ADGRL1: variants seen among roughly 807,000 people sequenced by gnomAD.
ADGRL1 encodes CIRL-1.
A neutral mutation model predicts 148.9 loss-of-function variants in ADGRL1; 31 were observed. That is an observed-to-expected ratio of 0.21 (90% confidence interval 0.16 to 0.28). ADGRL1 has a LOEUF of 0.28. Ranked by LOEUF, ADGRL1 falls within the 10% of genes least tolerant of loss-of-function variation. The probability of loss-of-function intolerance (pLI) is 1.00; values close to 1 mark genes in which losing one functional copy is unlikely to be tolerated. For synonymous variants in ADGRL1, 937 were observed against 900.3 expected, an observed-to-expected ratio of 1.04 and a Z score of -0.73; for missense variants, 1,521 against 2,058.8, an observed-to-expected ratio of 0.74 and a Z score of 5.05.
rs1400639239 is a variant in ADGRL1, at chr19:14,149,680, A to AAGAGG, written c.*1192_*1193insCCTCT. The AAGAGG allele has an allele frequency of 1.3e-4, 5 of 39,154 alleles. No individual in the cohort carries two copies. The highest frequency in any genetic ancestry group is 6.4e-4 in the African/African-American group (5 of 7,868). 2.4% of individuals were successfully genotyped at this position (39,154 alleles called of 1,614,324 possible). On this transcript the variant is annotated 3_prime_UTR_variant, in exon 23 of 23. Coordinates refer to ENST00000361434, the MANE Select transcript of ADGRL1 (RefSeq NM_014921.5). ...TGATGCCGGGCAGGCGGAGCAGGAA[A>AAGAGG]GGAGGGTGCCAGGAAGGAAATGGGT...
chr19:14,204,713 T>A (rs139238782), intron 1 of ADGRL1, among the ~76,000 whole-genome samples: 28 of 142,976 alleles, frequency 2.0e-4, no homozygotes, highest in African/African-American at 5.2e-4. Flanking sequence ...ACAGAGAGAG[T>A]GAGAGAGAGA....
chr19:14,184,631 TTTA>T (rs1197162208), intron 1 of ADGRL1, among the ~76,000 whole-genome samples: 1 of 128,336 alleles, frequency 7.8e-6, no homozygotes, highest in African/African-American at 3.6e-5. Flanking sequence ...TATTTATTTA[TTTA>T]TTTATTTATT....
Position 14,159,159 on chromosome 19 carries a change from G to C in ADGRL1, c.2080C>G (p.Gln694Glu), listed in dbSNP as rs1378923217. The change falls in exon 11 of 23, where the codon CAG becomes GAG. Residue 694 changes from glutamine to glutamate, a missense_variant. By Grantham distance (29) the Gln-to-Glu change is conservative (BLOSUM62 2). Around this residue, in one of 8 missense-constraint regions of ADGRL1, gnomAD observed 265 missense variants for 431.9 expected, o/e 0.61. Coordinates refer to ENST00000361434, the MANE Select transcript of ADGRL1 (RefSeq NM_014921.5). This position sits in a 1 kb window ranked among gnomAD's most constrained non-coding sequence, Gnocchi z 6.0. ...EGQVQELVFP[Q>E]EEYPRKNSIQ... ...GAGTTCTTTCTCGGGTACTCCTCCT[G>C]GGGGAACACCAGCTCCTGCACCTGG... 6.2e-7 allele frequency: 1 copy of C among 1,614,108 alleles called. No homozygotes were observed. Among genetic ancestry groups the C allele is most frequent in the Admixed American group, 1.7e-5 (1 of 60,028 alleles).
intron 3 of ADGRL1, among the ~76,000 whole-genome samples, chr19:14,174,438 CCAGCT>C (rs1236759178): frequency 3.3e-5 from 5 of 152,046 alleles, no homozygotes; most frequent in Non-Finnish European, 5.9e-5. Context: ...CCAGCCCAGC[CCAGCT>C]ATCTCAGCCA....
chr19:14,187,736 A>G lies in ADGRL1; in HGVS notation c.-95-4039T>C, dbSNP rs10408870. The stretch of plus-strand genomic sequence containing the variant: ...CTAGACATGGCCGGTGTCACTTTCA[A>G]ATCATTTTCCAGCATGTTACCTTGG... On this transcript the variant is annotated intron_variant, in intron 1 of 22. Coordinates refer to ENST00000361434, the MANE Select transcript of ADGRL1 (RefSeq NM_014921.5). Among the ~76,000 whole-genome samples, 462 of 152,046 alleles carry G rather than the reference A, an allele frequency of 3.0e-3. 4 individuals are homozygous for G. Among genetic ancestry groups the G allele is most frequent in the African/African-American group, 0.01 (422 of 41,488 alleles).
rs375578685 is a variant in ADGRL1, at chr19:14,157,428, C to T, written c.2568G>A (p.Ser856=). The change falls in exon 14 of 23, where the codon TCG becomes TCA. Residue 856 remains serine, a synonymous_variant. Coordinates refer to ENST00000361434, the MANE Select transcript of ADGRL1 (RefSeq NM_014921.5). The surrounding 1 kb of genome is among the most constrained non-coding windows in gnomAD (Gnocchi z 7.5). ...YQGRINELLL[S]VITWVGIVIS... ...TCACAATGCCCACCCAGGTGATGAC[C>T]GACAGCAGCAGCTCGTTGATGCGGC... The T allele has an allele frequency of 1.9e-5, 31 of 1,613,964 alleles. No homozygotes were observed. Among genetic ancestry groups the T allele is most frequent in the African/African-American group, 8.0e-5 (6 of 74,916 alleles).
At chr19:14,187,547 G>A (rs1029495540) in intron 1 of ADGRL1, among the ~76,000 whole-genome samples, 9 of 148,054 alleles carry the variant, frequency 6.1e-5, no homozygotes, top group Non-Finnish European at 1.0e-4. Flanking sequence ...CCTCTCCACT[G>A]CCCCAGCTTC....
rs1206947742 is a variant in ADGRL1 at position 14,161,774 on chromosome 19, C to T, written c.1196-148G>A. On this transcript the variant is annotated intron_variant, in intron 5 of 22. Transcript: ENST00000361434. This position sits in a 1 kb window ranked among gnomAD's most constrained non-coding sequence, Gnocchi z 4.4. ...GGCCCCACTGGGTCTATGAGTTGAT[C>T]TCCCCTGGCCGCTCTGTGCCCACCA... 6.0e-5 allele frequency: 30 copies of T among 503,222 alleles called. No homozygotes were observed. The Admixed American group carries it at 1.1e-3, about 19-fold the overall frequency. 31.2% of individuals were successfully genotyped at this position (503,222 alleles called of 1,614,324 possible). A position where few individuals can be genotyped will look rare whatever the true frequency, so the allele number is the denominator to read the frequency against.
In ADGRL1 at chr19:14,162,707, G is replaced by A. The variant is rs1321161821; in HGVS notation, c.1094C>T (p.Ser365Phe). 2 of 1,614,188 alleles carry A rather than the reference G, an allele frequency of 1.2e-6. No individual in the cohort carries two copies. The highest frequency in any genetic ancestry group is 1.1e-5 in the South Asian group (1 of 91,090). The stretch of plus-strand genomic sequence containing the variant: ...GTCGCGAGGGTTGTAGTCAACGGAG[G>A]AGATGAACTGGTAGGGGTTGGGGAA... ...LTFPNPYQFI[S>F]SVDYNPRDNQ... The change falls in exon 5 of 23, where the codon TCC becomes TTC. Residue 365 changes from serine (S) to phenylalanine (F), a missense_variant. This residue lies in a region of ADGRL1 where 270 missense variants were observed against 320.4 expected (regional missense o/e 0.84). Transcript: ENST00000361434. This position sits in a 1 kb window ranked among gnomAD's most constrained non-coding sequence, Gnocchi z 5.4.
chr19:14,184,674 C>G (rs1367335361), intron 1 of ADGRL1, among the ~76,000 whole-genome samples: 1 of 146,314 alleles, frequency 6.8e-6, no homozygotes, highest in Non-Finnish European at 1.5e-5. Flanking sequence ...GAGTCGTGCT[C>G]TGTCCCCCAG....
chr19:14,203,482 C>A (rs1972751126), intron 1 of ADGRL1, among the ~76,000 whole-genome samples: 1 of 152,102 alleles, frequency 6.6e-6, no homozygotes, highest in Admixed American at 6.5e-5. Flanking sequence ...GTAGGGAGGA[C>A]GCAGACGCCC....
At position 14,152,753 on chromosome 19, in the gene ADGRL1, C is replaced by A; in HGVS notation, c.3423+31G>T. On this transcript the variant is annotated intron_variant, in intron 19 of 22. Coordinates refer to ENST00000361434, the MANE Select transcript of ADGRL1 (RefSeq NM_014921.5). The surrounding 1 kb of genome is among the most constrained non-coding windows in gnomAD (Gnocchi z 6.1). ...CTCTCAGGCTCCAGGTTCCAACACT[C>A]AGCCCCAGGGAGTCCTGTCTGGCCC... 6.2e-7 allele frequency: 1 copy of A among 1,610,816 alleles called. No homozygotes were observed. The highest frequency in any genetic ancestry group is 1.1e-5 in the South Asian group (1 of 90,794).
In ADGRL1 at chr19:14,149,922, C is replaced by CTTTTTTTTTTTTTTTTTT. The variant is rs71170598; in HGVS notation, c.*950_*951insAAAAAAAAAAAAAAAAAA. On this transcript the variant is annotated 3_prime_UTR_variant, in exon 23 of 23. Transcript: ENST00000361434. ...CAAGTGATGAGATTTTTTTTCTTTT[C>CTTTTTTTTTTTTTTTTTT]TTTTTTTTTTTTTTTGTCTTTTTTT... The CTTTTTTTTTTTTTTTTTT allele has an allele frequency of 5.7e-5, 7 of 122,678 alleles. No individual in the cohort carries two copies. Among genetic ancestry groups the CTTTTTTTTTTTTTTTTTT allele is most frequent in the Non-Finnish European group, 1.2e-4 (7 of 57,768 alleles). The allele number at this position is 122,678 out of a possible 1,614,324, so 7.6% of individuals were successfully genotyped here.
intron 4 of ADGRL1, 85 bp from the exon 5 acceptor site, chr19:14,163,491 A>AGG: frequency 9.8e-7 from 1 of 1,020,872 alleles, no homozygotes; most frequent in South Asian, 1.7e-5. Flanking sequence ...AGAGAGAGAG[A>AGG]GAGAGAGGGG....
intron 1 of ADGRL1, among the ~76,000 whole-genome samples, chr19:14,197,769 T>C (rs990674438): frequency 6.6e-6 from 1 of 152,178 alleles, no homozygotes; most frequent in African/African-American, 2.4e-5. Flanking sequence ...GAAAGTACCA[T>C]TGTGGGTTGG....
At position 14,161,066 on chromosome 19, in the gene ADGRL1, C is replaced by T. The variant is rs1815580661; in HGVS notation, c.1510+246G>A. Among the ~76,000 whole-genome samples, 1 of 152,218 alleles carries T rather than the reference C, an allele frequency of 6.6e-6. No individual in the cohort carries two copies. The highest frequency in any genetic ancestry group is 2.4e-5 in the African/African-American group (1 of 41,458). On this transcript the variant is annotated intron_variant, in intron 6 of 22. Transcript: ENST00000361434. This position sits in a 1 kb window ranked among gnomAD's most constrained non-coding sequence, Gnocchi z 4.4. Reference sequence around the variant, plus strand: ...CATGTGAAGCTGACTGTGCCTGGGGCTGTGGCAGGTCAGCCTGAGGCCGGG... The same window carrying T: ...CATGTGAAGCTGACTGTGCCTGGGGTTGTGGCAGGTCAGCCTGAGGCCGGG...
chr19:14,186,070 T>G (rs956411708), intron 1 of ADGRL1, among the ~76,000 whole-genome samples: 9 of 152,150 alleles, frequency 5.9e-5, no homozygotes, highest in African/African-American at 1.2e-4. Flanking sequence ...TTACTTTTAT[T>G]TTTTTAGAGA....
chr19:14,156,346 G>A (rs1311086222), intron 16 of ADGRL1, 145 bp from the exon 17 acceptor site: 4 of 687,428 alleles, frequency 5.8e-6, no homozygotes, highest in South Asian at 1.7e-5. Flanking sequence ...TGAGGTGCCC[G>A]CTGTGCAGCG....
At position 14,156,990 on chromosome 19, in the gene ADGRL1, G is replaced by A. The variant is rs754166832; in HGVS notation, c.2901C>T (p.Cys967=). The change falls in exon 15 of 23, where the codon TGC becomes TGT. Residue 967 remains cysteine, a synonymous_variant. Coordinates refer to ENST00000361434, the MANE Select transcript of ADGRL1 (RefSeq NM_014921.5). ...CGATGCCCACCACCAGGGCCGGGAA[G>A]CAGTAGCCACCCAGGTAGTAGTACT... ...RTKYYYLGGY[C]FPALVVGIAA... is the part of the protein sequence containing the mutation. 6 of 1,613,932 alleles carry A rather than the reference G, an allele frequency of 3.7e-6. No individual in the cohort carries two copies. In the Admixed American group the frequency reaches 1.0e-4, roughly 27 times the overall value.
Sources: gnomAD v4.1 joint callset for allele counts (sites outside exome capture counted in the v4.1 genomes callset) on GRCh38, gnomAD v4.1.1 for gene constraint, gnomAD v4.1.1 regional missense constraint, Gnocchi (gnomAD v3.1) non-coding constraint, MANE v1.5 for transcripts, NCBI Gene and HGNC (gene_info 2026-07-23, HGNC 2026-07-21) for gene names.